AP2A2: variants seen among roughly 807,000 people sequenced by gnomAD.
AP2A2 encodes the protein AP-2 complex subunit alpha-2.
AP2A2 carries 32 observed loss-of-function variants against 104.2 expected under a neutral mutation model. That is an observed-to-expected ratio of 0.31 (90% CI 0.23 to 0.41). The LOEUF is 0.41. Among genes scored for constraint, AP2A2 ranks in the 10% least tolerant of loss-of-function variants. AP2A2 has a pLI of 1.00. For synonymous variants in AP2A2, 539 were observed against 533.3 expected, an observed-to-expected ratio of 1.01 and a Z score of -0.15; for missense variants, 912 against 1,261.0, an observed-to-expected ratio of 0.72 and a Z score of 4.19.
At chr11:996,931 C>G (rs12362665) in intron 14 of AP2A2, among the ~76,000 whole-genome samples, 1 of 109,572 alleles carries the variant, frequency 9.1e-6, no homozygotes, top group Non-Finnish European at 2.1e-5. Flanking sequence ...GTGTGTGGGC[C>G]CCTCTGTTCT....
chr11:999,803 C>CTTTTT (rs71022992), intron 14 of AP2A2, among the ~76,000 whole-genome samples: 2 of 124,694 alleles, frequency 1.6e-5, no homozygotes, highest in African/African-American at 2.9e-5. Flanking sequence ...TTAGTTCTTT[C>CTTTTT]TTTTTTTTTT....
intron 6 of AP2A2, among the ~76,000 whole-genome samples, chr11:983,417 C>G (rs1472978217): frequency 6.6e-6 from 1 of 151,882 alleles, no homozygotes; most frequent in African/African-American, 2.4e-5. Flanking sequence ...GAGTCTCACT[C>G]TGTCGCCCAG....
intron 1 of AP2A2, among the ~76,000 whole-genome samples, chr11:936,599 G>A (rs1853466606): frequency 6.6e-6 from 1 of 151,810 alleles, no homozygotes; most frequent in African/African-American, 2.4e-5. Context: ...TGTAGCCCAG[G>A]CTGATAACGA....
chr11:993,251 C>T lies in AP2A2; in HGVS notation c.1453-33C>T, dbSNP rs746569818. 8.3e-6 allele frequency: 13 copies of T among 1,565,684 alleles called. No homozygotes were observed. Among genetic ancestry groups the T allele is most frequent in the East Asian group, 2.3e-5 (1 of 43,748 alleles). The stretch of plus-strand genomic sequence containing the variant: ...GCCTCGCCTTAACTCTGGCACCTGG[C>T]TGCCACCCCGGCTCATTGTTTGTGC... On this transcript the variant is annotated intron_variant, in intron 11 of 21. Coordinates refer to ENST00000448903, the MANE Select transcript of AP2A2 (RefSeq NM_012305.4). The surrounding 1 kb of genome is among the most constrained non-coding windows in gnomAD (Gnocchi z 8.2).
Position 993,275 on chromosome 11 carries a change from G to T in AP2A2, c.1453-9G>T. ...GCTGCCACCCCGGCTCATTGTTTGT[G>T]CTTCGCAGGCTCTTCAGGCTCCCGC... On this transcript the variant is annotated splice_polypyrimidine_tract_variant and intron_variant, in intron 11 of 21. Transcript: ENST00000448903. This position sits in a 1 kb window ranked among gnomAD's most constrained non-coding sequence, Gnocchi z 8.2. 2 of 1,601,500 alleles carry T rather than the reference G, an allele frequency of 1.2e-6. No individual in the cohort carries two copies. The highest frequency in any genetic ancestry group is 1.7e-6 in the Non-Finnish European group (2 of 1,175,890).
At chr11:948,552 A>G (rs1262072409) in intron 1 of AP2A2, 2 of 152,230 alleles carry the variant, frequency 1.3e-5, no homozygotes, top group African/African-American at 4.8e-5. Flanking sequence ...TAATAAGTAA[A>G]TAGATTGAAT....
chr11:933,000 C>T (rs1853337740), intron 1 of AP2A2, among the ~76,000 whole-genome samples: 1 of 152,254 alleles, frequency 6.6e-6, no homozygotes, highest in Middle Eastern at 3.4e-3. Flanking sequence ...CCGGGCGCTG[C>T]GGTTCACGCC....
At chr11:943,751 A>G (rs1853734138) in intron 1 of AP2A2, among the ~76,000 whole-genome samples, 1 of 145,876 alleles carries the variant, frequency 6.9e-6, no homozygotes, top group Non-Finnish European at 1.5e-5. Flanking sequence ...CCGGAGATGC[A>G]GGTGGCAGCG....
At chr11:1,009,472 C>A (rs966026798) in intron 20 of AP2A2, 75 bp downstream of exon 20, 18 of 1,462,270 alleles carry the variant, frequency 1.2e-5, no homozygotes, top group Admixed American at 1.8e-5. Flanking sequence ...GGGACGGCCC[C>A]GGGGAACACG....
chr11:957,069 G>A (rs1399768852), intron 1 of AP2A2: 1 of 152,236 alleles, frequency 6.6e-6, no homozygotes, highest in Non-Finnish European at 1.5e-5. Context: ...CTGTGCTTGT[G>A]CATGACAGAC....
intron 1 of AP2A2, among the ~76,000 whole-genome samples, chr11:951,180 A>T (rs1359671482): frequency 1.3e-5 from 2 of 152,174 alleles, no homozygotes; most frequent in Non-Finnish European, 2.9e-5. Context: ...AAGCTATCAG[A>T]AAAATGCATA....
intron 15 of AP2A2, among the ~76,000 whole-genome samples, chr11:1,002,317 C>T (rs1484734249): frequency 6.6e-6 from 1 of 152,266 alleles, no homozygotes; most frequent in Non-Finnish European, 1.5e-5. Context: ...CCTCGGCCGG[C>T]TCCTCCTGTT....
chr11:963,600 C>T (rs1003025111), intron 2 of AP2A2, among the ~76,000 whole-genome samples: 1 of 152,088 alleles, frequency 6.6e-6, no homozygotes, highest in African/African-American at 2.4e-5. Flanking sequence ...TTAGAGCAAC[C>T]CTTCTGTTGA....
intron 15 of AP2A2, among the ~76,000 whole-genome samples, chr11:1,003,038 A>G (rs191499575): frequency 6.6e-6 from 1 of 152,368 alleles, no homozygotes; most frequent in East Asian, 1.9e-4. Flanking sequence ...CTGTGGAGTT[A>G]CAGTTTCCTA....
intron 2 of AP2A2, among the ~76,000 whole-genome samples, chr11:967,519 G>A (rs1262875553): frequency 1.3e-5 from 2 of 151,744 alleles, no homozygotes; most frequent in African/African-American, 2.4e-5. Context: ...CCGCCACCAC[G>A]CCCGGCTTAT....
intron 2 of AP2A2, among the ~76,000 whole-genome samples, chr11:959,721 G>C (rs1034680514): frequency 6.6e-6 from 1 of 152,210 alleles, no homozygotes; most frequent in Non-Finnish European, 1.5e-5. Context: ...CCTGGAGCTG[G>C]AACAGCACTG....
chr11:997,480 C>G (rs1175327601), intron 14 of AP2A2, among the ~76,000 whole-genome samples: 1 of 152,176 alleles, frequency 6.6e-6, no homozygotes, highest in Non-Finnish European at 1.5e-5. Context: ...AGATGAAGAA[C>G]CTGAAGTGGG....
chr11:969,698 A>G (rs528911249), intron 2 of AP2A2, among the ~76,000 whole-genome samples: 79 of 152,294 alleles, frequency 5.2e-4, no homozygotes, highest in African/African-American at 1.9e-3. Context: ...TGTTTTCATG[A>G]CCAGCTGATT....
At chr11:1,001,700 T>C (rs1043348981) in intron 15 of AP2A2, among the ~76,000 whole-genome samples, 3 of 152,058 alleles carry the variant, frequency 2.0e-5, no homozygotes, top group Non-Finnish European at 4.4e-5. Context: ...TGGTGGTGGC[T>C]GCTCCTCAGT....
Sources: gnomAD v4.1 joint callset for allele counts (sites outside exome capture counted in the v4.1 genomes callset) on GRCh38, gnomAD v4.1.1 for gene constraint, Gnocchi (gnomAD v3.1) non-coding constraint, MANE v1.5 for transcripts, NCBI Gene and HGNC (gene_info 2026-07-23, HGNC 2026-07-21) for gene names.